DPYD: variants seen among roughly 807,000 people sequenced by gnomAD.
The protein encoded by DPYD is dihydropyrimidine dehydrogenase [NADP(+)].
DPYD carries 109 observed loss-of-function variants against 116.2 expected under a neutral mutation model. That is an observed-to-expected ratio of 0.94 (90% CI 0.80 to 1.10). The LOEUF (loss-of-function observed/expected upper bound fraction) is 1.10. Among genes scored for constraint, DPYD ranks in the 50% least tolerant of loss-of-function variants. DPYD has a pLI of 0.00. For missense variants in DPYD, 1,302 were observed against 1,254.5 expected (o/e 1.04, Z -0.57); for synonymous variants, 440 against 432.0 (o/e 1.02, Z -0.23).
At chr1:97,604,169 AGCTGCTC>A (rs1655431460) in intron 8 of DPYD, among the ~76,000 whole-genome samples, 1 of 152,102 alleles carries the variant, frequency 6.6e-6, no homozygotes, top group African/African-American at 2.4e-5. Context: ...AACGATGGAG[AGCTGCTC>A]AGTTCAGAAG....
Position 97,450,057 on chromosome 1 carries a change from A to C in DPYD, c.1905+2T>G, listed in dbSNP as rs1287066194. ...TTGTTTTAGATGTTAAATCACACTT[A>C]CGTTGTCTGGAAAGTCAGCCTTTAG... On this transcript the variant is annotated splice_donor_variant, in intron 14 of 22. Transcript: ENST00000370192. LOFTEE classifies it high-confidence loss of function. The C allele has an allele frequency of 6.2e-7, 1 of 1,613,740 alleles. No homozygotes were observed. The highest frequency in any genetic ancestry group is 1.3e-5 in the African/African-American group (1 of 74,910).
At chr1:97,189,496 G>A (rs1658213026) in intron 20 of DPYD, among the ~76,000 whole-genome samples, 1 of 152,118 alleles carries the variant, frequency 6.6e-6, no homozygotes, top group African/African-American at 2.4e-5. Context: ...AAAATTTGTT[G>A]TTCAAATATC....
chr1:97,135,811 C>A (rs1293480918), intron 20 of DPYD, among the ~76,000 whole-genome samples: 2 of 152,062 alleles, frequency 1.3e-5, no homozygotes, highest in East Asian at 3.9e-4. Context: ...GATGTCTAGA[C>A]AGGATTTTTA....
chr1:97,166,423 G>A (rs2101757510), intron 20 of DPYD, among the ~76,000 whole-genome samples: 1 of 152,104 alleles, frequency 6.6e-6, no homozygotes, highest in Non-Finnish European at 1.5e-5. Context: ...GAGAGTGAGG[G>A]GTGGGAGAAA....
At chr1:97,173,015 T>C (rs541955152) in intron 20 of DPYD, among the ~76,000 whole-genome samples, 2 of 152,136 alleles carry the variant, frequency 1.3e-5, no homozygotes, top group South Asian at 4.2e-4. Flanking sequence ...AGCAGTTATG[T>C]TGAGGAGTGG....
chr1:97,918,647 A>G (rs1674349245), intron 1 of DPYD, among the ~76,000 whole-genome samples: 1 of 152,124 alleles, frequency 6.6e-6, no homozygotes, highest in African/African-American at 2.4e-5. Flanking sequence ...ATACCTCAAT[A>G]ACTTTTCCCC....
intron 14 of DPYD, among the ~76,000 whole-genome samples, chr1:97,421,551 G>C (rs182837751): frequency 1.3e-4 from 20 of 152,262 alleles, no homozygotes; most frequent in Non-Finnish European, 2.4e-4. Flanking sequence ...GCCTAATCCA[G>C]AGAATACAAG....
At chr1:97,266,754 C>T (rs1341913756) in intron 18 of DPYD, among the ~76,000 whole-genome samples, 1 of 152,062 alleles carries the variant, frequency 6.6e-6, no homozygotes, top group Non-Finnish European at 1.5e-5. Flanking sequence ...CGTTCAATTC[C>T]TACCTATGAG....
rs548359805 is a variant in DPYD, at chr1:97,415,837, G to T, written c.1906-33376C>A. Among the ~76,000 whole-genome samples, 7 of 152,146 alleles carry T rather than the reference G, an allele frequency of 4.6e-5. No homozygotes were observed. The East Asian group carries it at 1.4e-3, about 29-fold the overall frequency. On this transcript the variant is annotated intron_variant, in intron 14 of 22. Coordinates refer to ENST00000370192, the MANE Select transcript of DPYD (RefSeq NM_000110.4). ...AGCTTGTACAGGGTATGGCTTTTAG[G>T]AAGTAATATCATTTTAAAATTAATT...
At chr1:97,317,303 C>A (rs1266108813) in intron 16 of DPYD, among the ~76,000 whole-genome samples, 1 of 151,944 alleles carries the variant, frequency 6.6e-6, no homozygotes, top group African/African-American at 2.4e-5. Flanking sequence ...CCTGATACCA[C>A]CAGTAGGTGT....
chr1:97,707,690 C>T (rs1264514153), intron 5 of DPYD, among the ~76,000 whole-genome samples: 1 of 151,894 alleles, frequency 6.6e-6, no homozygotes, highest in East Asian at 1.9e-4. Context: ...GCAAACTGAG[C>T]AGACTAAGCA....
At chr1:97,474,040 A>G (rs1677809401) in intron 13 of DPYD, among the ~76,000 whole-genome samples, 1 of 151,782 alleles carries the variant, frequency 6.6e-6, no homozygotes, top group Non-Finnish European at 1.5e-5. Flanking sequence ...AAAGGAAAGA[A>G]AATGAAAAAG....
At chr1:97,653,992 A>G (rs1658744021) in intron 8 of DPYD, among the ~76,000 whole-genome samples, 1 of 152,194 alleles carries the variant, frequency 6.6e-6, no homozygotes, top group Non-Finnish European at 1.5e-5. Context: ...GCAGTGATCA[A>G]TATTGTGCGT....
At chr1:97,598,918 G>T (rs1655065489) in intron 8 of DPYD, among the ~76,000 whole-genome samples, 1 of 152,206 alleles carries the variant, frequency 6.6e-6, no homozygotes, top group Admixed American at 6.5e-5. Context: ...TCTATGTTAT[G>T]AGTTCAAAAT....
chr1:97,171,269 C>A (rs1049849083), intron 20 of DPYD, among the ~76,000 whole-genome samples: 5 of 152,138 alleles, frequency 3.3e-5, no homozygotes, highest in African/African-American at 1.2e-4. Flanking sequence ...GGCATGCCTG[C>A]AAAAGCAATA....
At chr1:97,830,707 C>CAAAAAAAAAAAAAAAAAAAAAA (rs759967010) in intron 2 of DPYD, among the ~76,000 whole-genome samples, 1 of 105,762 alleles carries the variant, frequency 9.5e-6, no homozygotes, top group Non-Finnish European at 2.0e-5. Context: ...GACTCCATCT[C>CAAAAAAAAAAAAAAAAAAAAAA]AAAAAAAAAA....
intron 8 of DPYD, among the ~76,000 whole-genome samples, chr1:97,624,717 G>C (rs1047572918): frequency 6.6e-6 from 1 of 151,944 alleles, no homozygotes; most frequent in African/African-American, 2.4e-5. Context: ...ATCAAACTAA[G>C]TATCTATCAA....
chr1:97,602,580 A>G (rs1183301559), intron 8 of DPYD, among the ~76,000 whole-genome samples: 1 of 151,962 alleles, frequency 6.6e-6, no homozygotes, highest in Non-Finnish European at 1.5e-5. Context: ...TTTTGGTCTC[A>G]TACTTTTTAC....
intron 13 of DPYD, among the ~76,000 whole-genome samples, chr1:97,493,707 T>A (rs1294037149): frequency 6.6e-6 from 1 of 152,148 alleles, no homozygotes; most frequent in Non-Finnish European, 1.5e-5. Context: ...GGGAGAAAGC[T>A]GGTGCCCTAA....
Sources: gnomAD v4.1 joint callset for allele counts (sites outside exome capture counted in the v4.1 genomes callset) on GRCh38, gnomAD v4.1.1 for gene constraint, MANE v1.5 for transcripts, NCBI Gene and HGNC (gene_info 2026-07-23, HGNC 2026-07-21) for gene names.